The following SWAP70 variants were observed in gnomAD, a reference collection of about 807,000 sequenced individuals.
SWAP70 encodes the protein switch-associated protein 70.
Under a neutral mutation model 80.2 loss-of-function variants are expected in SWAP70, and 34 were observed. The observed-to-expected ratio is 0.42, with a 90% CI of 0.32 to 0.56. The LOEUF (loss-of-function observed/expected upper bound fraction) is 0.56. SWAP70 is among the 20% of genes least tolerant of loss of function. The pLI is 0.09. For synonymous variants in SWAP70, 239 were observed against 238.5 expected, an observed-to-expected ratio of 1.00 and a Z score of -0.02; for missense variants, 578 against 690.7, an observed-to-expected ratio of 0.84 and a Z score of 1.83.
chr11:9,675,359 GA>G (rs1850479795), intron 1 of SWAP70, among the ~76,000 whole-genome samples: 1 of 27,390 alleles, frequency 3.7e-5, no homozygotes, highest in Non-Finnish European at 9.3e-5. Flanking sequence ...GAGAGAGAGA[GA>G]GAGAGAGAGA....
chr11:9,715,220 C>G (rs1443291096), intron 3 of SWAP70, among the ~76,000 whole-genome samples: 1 of 152,062 alleles, frequency 6.6e-6, no homozygotes, highest in East Asian at 1.9e-4. Context: ...CTCAAGTGAT[C>G]CCTTTACCTC....
At chr11:9,666,274 C>T (rs767423578) in intron 1 of SWAP70, among the ~76,000 whole-genome samples, 14 of 151,772 alleles carry the variant, frequency 9.2e-5, no homozygotes, top group African/African-American at 1.2e-4. Context: ...TTAGTAGAAA[C>T]GGGGTTTCAC....
At chr11:9,678,952 T>A (rs1413632134) in intron 1 of SWAP70, among the ~76,000 whole-genome samples, 1 of 152,160 alleles carries the variant, frequency 6.6e-6, no homozygotes, top group Non-Finnish European at 1.5e-5. Flanking sequence ...CATGAAACTA[T>A]TTTTCCTGCT....
At chr11:9,697,129 T>C (rs1282513687) in intron 2 of SWAP70, among the ~76,000 whole-genome samples, 1 of 152,010 alleles carries the variant, frequency 6.6e-6, no homozygotes, top group African/African-American at 2.4e-5. Flanking sequence ...TATGCATGTT[T>C]TTCTATGGCT....
chr11:9,707,109 TA>T (rs1410977927), intron 2 of SWAP70, among the ~76,000 whole-genome samples: 2 of 152,220 alleles, frequency 1.3e-5, no homozygotes, highest in Non-Finnish European at 1.5e-5. Flanking sequence ...ACTTGAATAC[TA>T]ATGCTTTATG....
intron 1 of SWAP70, among the ~76,000 whole-genome samples, chr11:9,693,586 GT>G (rs1234880164): frequency 1.3e-5 from 2 of 152,092 alleles, no homozygotes; most frequent in Non-Finnish European, 2.9e-5. Context: ...TTTTAGAAAT[GT>G]TTAGATACTT....
At chr11:9,748,155 T>G in intron 10 of SWAP70, 99 bp downstream of exon 10, 1 of 1,266,354 alleles carries the variant, frequency 7.9e-7, no homozygotes, top group Non-Finnish European at 1.1e-6. Context: ...GAAGCTGTAG[T>G]AAGAATCTTG....
At chr11:9,680,938 T>A (rs1850559160) in intron 1 of SWAP70, 1 of 153,482 alleles carries the variant, frequency 6.5e-6, no homozygotes, top group Non-Finnish European at 1.5e-5. Flanking sequence ...GTGAGGGTGA[T>A]CTGGCTGTGA....
rs556415980 is a variant in SWAP70, at chr11:9,706,702, A to T, written c.241-6764A>T. On this transcript the variant is annotated intron_variant, in intron 2 of 11. Coordinates refer to ENST00000318950, the MANE Select transcript of SWAP70 (RefSeq NM_015055.4). ...TTTACTCTGGAGACATAAAAATAGG[A>T]TCATGCTGTATATGGTCTTTTCTGA... 6.6e-5 allele frequency among the ~76,000 whole-genome samples: 10 copies of T among 152,242 alleles called. No homozygotes were observed. The South Asian group carries it at 1.9e-3, about 28-fold the overall frequency.
chr11:9,694,564 G>A (rs1175485100), intron 2 of SWAP70, among the ~76,000 whole-genome samples: 1 of 152,044 alleles, frequency 6.6e-6, no homozygotes, highest in East Asian at 1.9e-4. Flanking sequence ...CTCTCAGGGT[G>A]CTTTAAAAAA....
At chr11:9,726,872 A>C (rs943859128) in intron 4 of SWAP70, 1 of 456,172 alleles carries the variant, frequency 2.2e-6, no homozygotes, top group Non-Finnish European at 4.4e-6. Context: ...TTTAGAAGCC[A>C]GTATTTGAAC....
At chr11:9,685,652 G>A (rs1850622001) in intron 1 of SWAP70, among the ~76,000 whole-genome samples, 2 of 149,926 alleles carry the variant, frequency 1.3e-5, no homozygotes, top group Non-Finnish European at 3.0e-5. Context: ...TTTTTGAGAC[G>A]GAGTCTTGTC....
chr11:9,671,779 TATA>T (rs1178448909), intron 1 of SWAP70, among the ~76,000 whole-genome samples: 2 of 11,200 alleles, frequency 1.8e-4, no homozygotes, highest in East Asian at 1.5e-3. Context: ...ATAAATATAA[TATA>T]TTATTATTTA....
chr11:9,710,768 C>T (rs898675948), intron 2 of SWAP70, among the ~76,000 whole-genome samples: 1 of 151,664 alleles, frequency 6.6e-6, no homozygotes, highest in East Asian at 1.9e-4. Context: ...CAGCCTTGAC[C>T]ACCTGGGTAC....
intron 3 of SWAP70, chr11:9,719,918 T>G: frequency 5.0e-6 from 1 of 201,800 alleles, no homozygotes; most frequent in Non-Finnish European, 8.8e-6. Context: ...TTATTAATGA[T>G]GATAGAGAAA....
intron 2 of SWAP70, among the ~76,000 whole-genome samples, chr11:9,707,557 C>CT (rs34901698): frequency 5.5e-3 from 357 of 64,782 alleles, no homozygotes; most frequent in African/African-American, 9.5e-3. Context: ...TTTTTCTTTT[C>CT]TTTTTTTTTT....
intron 2 of SWAP70, among the ~76,000 whole-genome samples, chr11:9,706,905 T>G (rs531966300): frequency 6.6e-6 from 1 of 152,240 alleles, no homozygotes; most frequent in East Asian, 1.9e-4. Flanking sequence ...TTTTTCCTTT[T>G]TTTTCTTTAT....
At chr11:9,705,323 G>A (rs964207469) in intron 2 of SWAP70, among the ~76,000 whole-genome samples, 18 of 140,696 alleles carry the variant, frequency 1.3e-4, no homozygotes, top group East Asian at 1.0e-3. Context: ...TTGGTGATCT[G>A]TATACACTTG....
chr11:9,698,040 C>T (rs1303766296), intron 2 of SWAP70, among the ~76,000 whole-genome samples: 7 of 150,812 alleles, frequency 4.6e-5, no homozygotes, highest in East Asian at 3.9e-4. Flanking sequence ...CCCACCTGGG[C>T]TTACCACAGT....
Sources: allele counts gnomAD v4.1 joint callset (sites outside exome capture counted in the v4.1 genomes callset), GRCh38; gene constraint gnomAD v4.1.1; transcripts MANE v1.5; gene names NCBI Gene and HGNC (gene_info 2026-07-23, HGNC 2026-07-21).